Variants in NKAIN1 observed in about 807,000 individuals in gnomAD.
NKAIN1 encodes the protein sodium/potassium transporting ATPase interacting 1, also known as sodium/potassium-transporting ATPase subunit beta-1-interacting protein 1.
NKAIN1 carries 13 observed loss-of-function variants against 31.6 expected under a neutral mutation model. The observed-to-expected ratio is 0.41, with a 90% CI of 0.27 to 0.65. The LOEUF is 0.65. Ranked by LOEUF, NKAIN1 falls within the 30% of genes least tolerant of loss-of-function variation. The probability of loss-of-function intolerance (pLI) is 0.30; values close to 1 mark genes in which losing one functional copy is unlikely to be tolerated. For synonymous variants in NKAIN1, 104 were observed against 109.0 expected, an observed-to-expected ratio of 0.95 and a Z score of 0.28; for missense variants, 193 against 262.2, an observed-to-expected ratio of 0.74 and a Z score of 1.82.
intron 1 of NKAIN1, among the ~76,000 whole-genome samples, chr1:31,237,935 G>A (rs1340834183): frequency 6.6e-6 from 1 of 152,094 alleles, no homozygotes; most frequent in African/African-American, 2.4e-5. Context: ...AGAATCCTCT[G>A]AAAGGTTTAA....
At chr1:31,214,696 A>G (rs1428291915) in intron 1 of NKAIN1, among the ~76,000 whole-genome samples, 3 of 152,310 alleles carry the variant, frequency 2.0e-5, no homozygotes, top group South Asian at 4.1e-4. Flanking sequence ...CGAGGAAGTG[A>G]TCTGAAGGAA....
At chr1:31,200,200 G>A (rs1645368768) in intron 1 of NKAIN1, among the ~76,000 whole-genome samples, 1 of 152,172 alleles carries the variant, frequency 6.6e-6, no homozygotes, top group African/African-American at 2.4e-5. Context: ...AAATGGCCAC[G>A]GCCATCACTG....
chr1:31,225,832 G>A (rs1253822575), intron 1 of NKAIN1, among the ~76,000 whole-genome samples: 1 of 152,228 alleles, frequency 6.6e-6, no homozygotes, highest in Non-Finnish European at 1.5e-5. Context: ...TCCAGGAGAA[G>A]CTGGCTGGAG....
intron 2 of NKAIN1, 79 bp downstream of exon 2, chr1:31,187,971 G>A: frequency 6.8e-7 from 1 of 1,461,060 alleles, no homozygotes; most frequent in Non-Finnish European, 9.2e-7. Flanking sequence ...GGCAGTTCTG[G>A]TTTTGAGGAG....
intron 1 of NKAIN1, among the ~76,000 whole-genome samples, chr1:31,221,191 G>A (rs1304099104): frequency 6.6e-6 from 1 of 152,180 alleles, no homozygotes; most frequent in African/African-American, 2.4e-5. Context: ...GCTCTGAGGT[G>A]TGAAACAACC....
intron 1 of NKAIN1, among the ~76,000 whole-genome samples, chr1:31,226,425 G>C (rs1196451295): frequency 1.3e-5 from 2 of 152,158 alleles, no homozygotes; most frequent in South Asian, 4.1e-4. Context: ...GTGAAGTGCT[G>C]GGTCTAAGGG....
chr1:31,237,162 G>A (rs1645698212), intron 1 of NKAIN1, among the ~76,000 whole-genome samples: 1 of 152,118 alleles, frequency 6.6e-6, no homozygotes, highest in Non-Finnish European at 1.5e-5. Flanking sequence ...GAGGTGGGAG[G>A]ATTGTTTGAG....
chr1:31,208,804 C>T (rs762732066), intron 1 of NKAIN1, among the ~76,000 whole-genome samples: 6 of 152,210 alleles, frequency 3.9e-5, no homozygotes, highest in Non-Finnish European at 7.3e-5. Flanking sequence ...CTTCCTGTTC[C>T]GTGCCACACT....
intron 1 of NKAIN1, among the ~76,000 whole-genome samples, chr1:31,234,363 C>T (rs1275637380): frequency 6.6e-6 from 1 of 152,132 alleles, no homozygotes; most frequent in Non-Finnish European, 1.5e-5. Context: ...TGGTCTTCGC[C>T]GTCACTATTG....
At chr1:31,210,951 A>G (rs1302471500) in intron 1 of NKAIN1, among the ~76,000 whole-genome samples, 2 of 152,258 alleles carry the variant, frequency 1.3e-5, no homozygotes, top group African/African-American at 4.8e-5. Context: ...AAAAGCAGAC[A>G]TAGCCCCTGT....
At chr1:31,217,828 T>A (rs956832525) in intron 1 of NKAIN1, among the ~76,000 whole-genome samples, 1 of 152,078 alleles carries the variant, frequency 6.6e-6, no homozygotes, top group African/African-American at 2.4e-5. Context: ...TGGGGTTCTG[T>A]GTACTCATCT....
chr1:31,222,713 G>A (rs896097692), intron 1 of NKAIN1, among the ~76,000 whole-genome samples: 2 of 152,162 alleles, frequency 1.3e-5, no homozygotes, highest in African/African-American at 4.8e-5. Context: ...CTCAGGAGAG[G>A]GGAAAGGAAG....
chr1:31,203,358 C>T (rs1469689842), intron 1 of NKAIN1, among the ~76,000 whole-genome samples: 2 of 91,336 alleles, frequency 2.2e-5, no homozygotes, highest in Non-Finnish European at 6.3e-5. Flanking sequence ...AGTGCCTCCA[C>T]ACGATTCAAC....
intron 1 of NKAIN1, among the ~76,000 whole-genome samples, chr1:31,197,898 C>T (rs1237354907): frequency 6.6e-6 from 1 of 152,088 alleles, no homozygotes; most frequent in Admixed American, 6.6e-5. Flanking sequence ...CGCTTTGTCA[C>T]CCAGCTGGAG....
intron 1 of NKAIN1, among the ~76,000 whole-genome samples, chr1:31,195,412 G>A (rs1032768754): frequency 5.9e-5 from 9 of 151,848 alleles, no homozygotes; most frequent in Non-Finnish European, 1.0e-4. Flanking sequence ...ATAAGCCACC[G>A]CGCCTGGCCT....
At chr1:31,232,964 G>A (rs1645665948) in intron 1 of NKAIN1, among the ~76,000 whole-genome samples, 1 of 152,130 alleles carries the variant, frequency 6.6e-6, no homozygotes, top group African/African-American at 2.4e-5. Flanking sequence ...TGGATCACTT[G>A]TAGATACAGG....
At chr1:31,222,224 T>G (rs578145950) in intron 1 of NKAIN1, among the ~76,000 whole-genome samples, 6 of 152,158 alleles carry the variant, frequency 3.9e-5, no homozygotes, top group Admixed American at 1.3e-4. Context: ...TCCAGGGCAG[T>G]CTGGTGAGGG....
intron 1 of NKAIN1, among the ~76,000 whole-genome samples, chr1:31,237,157 G>A (rs1645698197): frequency 6.6e-6 from 1 of 152,160 alleles, no homozygotes; most frequent in Non-Finnish European, 1.5e-5. Context: ...AGGCTGAGGT[G>A]GGAGGATTGT....
At chr1:31,200,039 ATG>A (rs879358285) in intron 1 of NKAIN1, among the ~76,000 whole-genome samples, 90,059 of 151,340 alleles carry the variant, frequency 0.6, 30,606 homozygotes, top group Middle Eastern at 0.8. Context: ...ACACACACAC[ATG>A]CACACGTGCA....
Sources: allele counts gnomAD v4.1 joint callset (sites outside exome capture counted in the v4.1 genomes callset), GRCh38; gene constraint gnomAD v4.1.1; transcripts MANE v1.5; gene names NCBI Gene and HGNC (gene_info 2026-07-23, HGNC 2026-07-21).